DLGAP4: variants seen among roughly 807,000 people sequenced by gnomAD.
DLGAP4 encodes DLG associated protein 4, also known as disks large-associated protein 4.
In DLGAP4, 18 loss-of-function variants were observed where a neutral mutation model predicts 86.9. The observed-to-expected ratio is 0.21, with a 90% CI of 0.14 to 0.31. DLGAP4 has a LOEUF of 0.31. Ranked by LOEUF, DLGAP4 falls within the 10% of genes least tolerant of loss-of-function variation. The pLI is 1.00. For synonymous variants in DLGAP4, 548 were observed against 574.3 expected (o/e 0.95, Z 0.65); for missense variants, 1,085 against 1,362.6 (o/e 0.80, Z 3.21).
At chr20:36,315,346 T>C (rs1039061325) in intron 1 of DLGAP4, among the ~76,000 whole-genome samples, 3 of 151,866 alleles carry the variant, frequency 2.0e-5, no homozygotes, top group African/African-American at 7.3e-5. Context: ...AGGAGGGGTG[T>C]GGTGCGGTGC....
At chr20:36,399,481 T>C (rs1484318142) in intron 2 of DLGAP4, among the ~76,000 whole-genome samples, 1 of 152,228 alleles carries the variant, frequency 6.6e-6, no homozygotes. Flanking sequence ...CTGTCATTGT[T>C]GGACCAACCC....
chr20:36,419,527 C>T (rs1471688198), intron 2 of DLGAP4, among the ~76,000 whole-genome samples: 2 of 152,146 alleles, frequency 1.3e-5, no homozygotes, highest in African/African-American at 4.8e-5. Context: ...GGTCAGGAAT[C>T]GGGTAATGGC....
chr20:36,392,531 C>T (rs189144052), intron 2 of DLGAP4, among the ~76,000 whole-genome samples: 5 of 118,298 alleles, frequency 4.2e-5, no homozygotes, highest in African/African-American at 5.6e-5. Context: ...CCACCACGCC[C>T]GGCTAATTTT....
At chr20:36,420,696 G>T (rs772685214) in intron 2 of DLGAP4, among the ~76,000 whole-genome samples, 4 of 152,114 alleles carry the variant, frequency 2.6e-5, no homozygotes, top group African/African-American at 7.2e-5. Flanking sequence ...AAATTAGGCT[G>T]GGTGTGGTAG....
intron 10 of DLGAP4, among the ~76,000 whole-genome samples, chr20:36,521,568 G>A (rs1304479277): frequency 8.6e-5 from 13 of 152,034 alleles, no homozygotes; most frequent in Non-Finnish European, 1.5e-5. Flanking sequence ...TTCTATTCAT[G>A]GGGCAGCTGA....
intron 8 of DLGAP4, chr20:36,497,355 T>G: frequency 7.8e-7 from 1 of 1,274,702 alleles, no homozygotes; most frequent in Non-Finnish European, 1.0e-6. Flanking sequence ...GTCCACTGTT[T>G]GCCTGTCCAC....
chr20:36,317,224 TTTCTTTCTTTC>T, intron 1 of DLGAP4, among the ~76,000 whole-genome samples: 1 of 15,784 alleles, frequency 6.3e-5, no homozygotes, highest in South Asian at 1.6e-3. Context: ...CCTCTCCTTT[TTTCTTTCTTTC>T]TTTCTTTCTT....
intron 7 of DLGAP4, chr20:36,462,282 C>G: frequency 7.6e-7 from 1 of 1,312,088 alleles, no homozygotes. Flanking sequence ...CGCTGTCTCT[C>G]CTTGTTCTCT....
At chr20:36,379,279 ATGG>A (rs2031282473) in intron 2 of DLGAP4, among the ~76,000 whole-genome samples, 3 of 152,206 alleles carry the variant, frequency 2.0e-5, no homozygotes, top group Non-Finnish European at 1.5e-5. Flanking sequence ...GGCCAGGCCC[ATGG>A]GAGATGCTCT....
intron 2 of DLGAP4, among the ~76,000 whole-genome samples, chr20:36,410,956 TC>T (rs903205393): frequency 3.7e-4 from 56 of 152,250 alleles, no homozygotes; most frequent in African/African-American, 1.2e-3. Context: ...TGGGATCACC[TC>T]CCAAATAGAT....
chr20:36,506,361 T>C (rs2036370299), intron 10 of DLGAP4, among the ~76,000 whole-genome samples: 1 of 152,244 alleles, frequency 6.6e-6, no homozygotes, highest in Non-Finnish European at 1.5e-5. Flanking sequence ...CCTTCCTGTC[T>C]ACCTGGGAGG....
intron 7 of DLGAP4, among the ~76,000 whole-genome samples, chr20:36,448,731 C>T (rs1051319855): frequency 6.6e-6 from 1 of 151,928 alleles, no homozygotes; most frequent in Non-Finnish European, 1.5e-5. Context: ...GTCAGGAGTT[C>T]GAGACCAGCC....
intron 2 of DLGAP4, among the ~76,000 whole-genome samples, chr20:36,377,837 A>G (rs1022424012): frequency 6.6e-6 from 1 of 152,166 alleles, no homozygotes; most frequent in Non-Finnish European, 1.5e-5. Flanking sequence ...ACGGGCTGAC[A>G]TTTCCAGACA....
At chr20:36,331,008 T>A (rs782210716) in intron 1 of DLGAP4, among the ~76,000 whole-genome samples, 25 of 152,248 alleles carry the variant, frequency 1.6e-4, no homozygotes, top group Non-Finnish European at 2.4e-4. Context: ...TTGCTTCCAA[T>A]TCAAGTGGTG....
intron 2 of DLGAP4, among the ~76,000 whole-genome samples, chr20:36,412,623 T>TC (rs536759762): frequency 8.5e-5 from 13 of 152,204 alleles, no homozygotes; most frequent in Non-Finnish European, 1.5e-4. Flanking sequence ...GAGACCTCCT[T>TC]CATAGGGCTG....
chr20:36,500,977 T>C lies in DLGAP4; in HGVS notation c.2512+366T>C, dbSNP rs2036118926. Among the ~76,000 whole-genome samples the C allele has an allele frequency of 6.6e-6, 1 of 152,030 alleles. No individual in the cohort carries two copies. Among genetic ancestry groups the C allele is most frequent in the Non-Finnish European group, 1.5e-5 (1 of 68,018 alleles). ...CTCTGCTCACTATATGAGCATGTTGTAAGGATTGAATGTGGTCGTGCATGT... is the reference window on the plus strand; with the variant it reads ...CTCTGCTCACTATATGAGCATGTTGCAAGGATTGAATGTGGTCGTGCATGT... On this transcript the variant is annotated intron_variant, in intron 10 of 12. Coordinates refer to ENST00000339266, the MANE Select transcript of DLGAP4 (RefSeq NM_001365621.2). This position sits in a 1 kb window ranked among gnomAD's most constrained non-coding sequence, Gnocchi z 4.6.
chr20:36,525,216 CAAAAAAAAAAA>C (rs1159616185), intron 11 of DLGAP4, among the ~76,000 whole-genome samples: 20 of 28,470 alleles, frequency 7.0e-4, no homozygotes, highest in Admixed American at 1.7e-3. Context: ...GACTCCGTCT[CAAAAAAAAAAA>C]AAAAAAAAAA....
intron 1 of DLGAP4, among the ~76,000 whole-genome samples, chr20:36,330,713 T>C (rs1483884220): frequency 1.3e-5 from 2 of 151,842 alleles, no homozygotes; most frequent in East Asian, 1.9e-4. Flanking sequence ...GCTGGGACTA[T>C]AGGCGCCCGC....
intron 1 of DLGAP4, among the ~76,000 whole-genome samples, chr20:36,346,263 T>C (rs1251887269): frequency 2.0e-5 from 3 of 152,202 alleles, no homozygotes; most frequent in Non-Finnish European, 4.4e-5. Context: ...CTGGCACTAT[T>C]GTGGCTGCCT....
Sources: allele counts gnomAD v4.1 joint callset (sites outside exome capture counted in the v4.1 genomes callset), GRCh38; gene constraint gnomAD v4.1.1; non-coding constraint Gnocchi (gnomAD v3.1); transcripts MANE v1.5; gene names NCBI Gene and HGNC (gene_info 2026-07-23, HGNC 2026-07-21).